The following KHDRBS2 variants were observed in gnomAD, a reference collection of about 807,000 sequenced individuals.
The protein encoded by KHDRBS2 is KH domain-containing, RNA-binding, signal transduction-associated protein 2.
In KHDRBS2, 26 loss-of-function variants were observed where a neutral mutation model predicts 44.3. That is an observed-to-expected ratio of 0.59 (90% CI 0.43 to 0.81). The LOEUF (loss-of-function observed/expected upper bound fraction) is 0.81, where lower values mean the gene tolerates loss of function less well. Ranked by LOEUF, KHDRBS2 falls within the 40% of genes least tolerant of loss-of-function variation. KHDRBS2 has a pLI of 0.00. For synonymous variants in KHDRBS2, 194 were observed against 151.1 expected (o/e 1.28, Z -2.08); for missense variants, 476 against 433.1 (o/e 1.10, Z -0.88).
At chr6:61,593,903 C>T in the KHDRBS2 span, among the ~76,000 whole-genome samples, 2 of 152,092 alleles carry the variant, frequency 1.3e-5, no homozygotes, top group Non-Finnish European at 2.9e-5. Flanking sequence ...AGTCTATTGG[C>T]TTTATAAAGT....
chr6:62,275,564 G>C (rs1840799635), intron 1 of KHDRBS2, among the ~76,000 whole-genome samples: 1 of 152,088 alleles, frequency 6.6e-6, no homozygotes, highest in Non-Finnish European at 1.5e-5. Context: ...TGAATGTACT[G>C]GTGGATGTAA....
chr6:61,941,600 A>G (rs1164072446), intron 4 of KHDRBS2, among the ~76,000 whole-genome samples: 2 of 152,128 alleles, frequency 1.3e-5, no homozygotes, highest in Non-Finnish European at 2.9e-5. Flanking sequence ...ACTTTACCAC[A>G]GCCTCCACCA....
intron 6 of KHDRBS2, among the ~76,000 whole-genome samples, chr6:61,893,843 A>G (rs183749089): frequency 0.01 from 1,568 of 152,260 alleles, 28 homozygotes; most frequent in African/African-American, 0.036. Flanking sequence ...GCATATGTAA[A>G]CATATGTAAC....
chr6:62,155,472 C>T (rs1263904689), intron 2 of KHDRBS2, among the ~76,000 whole-genome samples: 1 of 152,054 alleles, frequency 6.6e-6, no homozygotes, highest in South Asian at 2.1e-4. Context: ...ATACATGGAT[C>T]GGAAAATCAT....
At chr6:61,619,590 G>T in the KHDRBS2 span, among the ~76,000 whole-genome samples, 1 of 152,154 alleles carries the variant, frequency 6.6e-6, no homozygotes, top group Non-Finnish European at 1.5e-5. Flanking sequence ...AAGTAGGTGG[G>T]ATTATAGGCA....
Position 62,227,680 on chromosome 6 carries a change from T to C in KHDRBS2, c.92-50368A>G, listed in dbSNP as rs538204909. On this transcript the variant is annotated intron_variant, in intron 1 of 8. Transcript: ENST00000281156. ...TGTGTTTGTCATAAATAGTTGTTTT[T>C]ATTTTGAGATATGTTCTATCAATAA... Among the ~76,000 whole-genome samples, 4 of 152,324 alleles carry C rather than the reference T, an allele frequency of 2.6e-5. No individual in the cohort carries two copies. The South Asian group carries it at 8.3e-4, about 32-fold the overall frequency.
intron 6 of KHDRBS2, among the ~76,000 whole-genome samples, chr6:61,755,361 G>C (rs930329396): frequency 1.3e-5 from 2 of 152,096 alleles, no homozygotes; most frequent in African/African-American, 4.8e-5. Context: ...CACTGCCTTA[G>C]AGCCTTATTA....
At chr6:61,954,925 TAC>T (rs369147312) in intron 4 of KHDRBS2, among the ~76,000 whole-genome samples, 4 of 128,870 alleles carry the variant, frequency 3.1e-5, no homozygotes, top group South Asian at 2.5e-4. Flanking sequence ...TATATATGTA[TAC>T]ACATACATAT....
chr6:61,619,935 A>T, the KHDRBS2 span, among the ~76,000 whole-genome samples: 1 of 152,212 alleles, frequency 6.6e-6, no homozygotes, highest in Admixed American at 6.5e-5. Context: ...TTTTAATCAA[A>T]GTCTGTTATT....
intron 4 of KHDRBS2, among the ~76,000 whole-genome samples, chr6:61,962,655 G>T (rs1162261737): frequency 6.6e-6 from 1 of 151,894 alleles, no homozygotes; most frequent in Non-Finnish European, 1.5e-5. Flanking sequence ...CAATAAATTA[G>T]GATAAATAAA....
chr6:62,168,495 C>A (rs1283828263), intron 2 of KHDRBS2, among the ~76,000 whole-genome samples: 2 of 152,034 alleles, frequency 1.3e-5, no homozygotes, highest in African/African-American at 2.4e-5. Flanking sequence ...CTCGGTTTAC[C>A]CAGACATGTG....
chr6:61,743,832 A>G (rs1461831403), intron 6 of KHDRBS2, among the ~76,000 whole-genome samples: 1 of 118,470 alleles, frequency 8.4e-6, no homozygotes, highest in Non-Finnish European at 1.6e-5. Context: ...TCCTGTGTCC[A>G]TGTGTTCTCA....
chr6:62,105,480 T>G (rs1422883600), intron 2 of KHDRBS2, among the ~76,000 whole-genome samples: 2 of 152,184 alleles, frequency 1.3e-5, no homozygotes, highest in Non-Finnish European at 2.9e-5. Flanking sequence ...ATTCAGAGAT[T>G]CAACTTCTTC....
intron 2 of KHDRBS2, among the ~76,000 whole-genome samples, chr6:62,151,006 C>G (rs889557586): frequency 6.6e-5 from 10 of 152,100 alleles, no homozygotes; most frequent in African/African-American, 2.4e-4. Context: ...CCCCTTCTCA[C>G]CCCATCACCT....
intron 1 of KHDRBS2, among the ~76,000 whole-genome samples, chr6:62,259,453 T>C (rs1563149431): frequency 6.6e-6 from 1 of 151,990 alleles, no homozygotes; most frequent in African/African-American, 2.4e-5. Flanking sequence ...CATTGCCTCA[T>C]TCCATCATTC....
chr6:61,902,122 T>C (rs1382008175), intron 4 of KHDRBS2, among the ~76,000 whole-genome samples: 1 of 151,982 alleles, frequency 6.6e-6, no homozygotes, highest in Non-Finnish European at 1.5e-5. Context: ...CCCGGCTAAT[T>C]TTTGTATTTT....
chr6:61,616,124 C>T, the KHDRBS2 span, among the ~76,000 whole-genome samples: 2 of 152,072 alleles, frequency 1.3e-5, no homozygotes, highest in African/African-American at 2.4e-5. Flanking sequence ...TATAGACAAA[C>T]GTTTATGTTC....
intron 2 of KHDRBS2, among the ~76,000 whole-genome samples, chr6:62,108,215 C>T (rs1330587860): frequency 6.6e-6 from 1 of 152,050 alleles, no homozygotes; most frequent in Admixed American, 6.6e-5. Context: ...GGCTAATATC[C>T]AGAATCTACA....
At chr6:61,866,046 C>A (rs1797744407) in intron 6 of KHDRBS2, among the ~76,000 whole-genome samples, 1 of 152,312 alleles carries the variant, frequency 6.6e-6, no homozygotes, top group African/African-American at 2.4e-5. Context: ...GGTGGATCTA[C>A]TATTCTGGGC....
Sources: gnomAD v4.1 joint callset for allele counts (sites outside exome capture counted in the v4.1 genomes callset) on GRCh38, gnomAD v4.1.1 for gene constraint, MANE v1.5 for transcripts, NCBI Gene and HGNC (gene_info 2026-07-23, HGNC 2026-07-21) for gene names.